The following ALMS1 variants were observed in gnomAD, a reference collection of about 807,000 sequenced individuals.
ALMS1 encodes ALMS1 centrosome and basal body associated protein, also known as centrosome-associated protein ALMS1.
In ALMS1, 271 loss-of-function variants were observed where a neutral mutation model predicts 352.2. The ratio of observed to expected loss-of-function variants is 0.77; its 90% CI spans 0.70 to 0.85. The LOEUF (loss-of-function observed/expected upper bound fraction) is 0.85, where lower values mean the gene tolerates loss of function less well. Among genes scored for constraint, ALMS1 ranks in the 40% least tolerant of loss-of-function variants. ALMS1 has a pLI of 0.00. For missense variants in ALMS1, 5,445 were observed against 4,870.7 expected, an observed-to-expected ratio of 1.12 and a Z score of -3.51; for synonymous variants, 1,865 against 1,761.2, an observed-to-expected ratio of 1.06 and a Z score of -1.48.
chr2:73,464,483 A>G (rs1057419738), intron 9 of ALMS1, among the ~76,000 whole-genome samples: 3 of 152,230 alleles, frequency 2.0e-5, no homozygotes. Context: ...ACCCACAGCC[A>G]ATATCATACC....
rs528909342 is a variant in ALMS1 at position 73,437,845 on chromosome 2, A to G, written c.1432+5554A>G. ...GGCTTCCTACACAGCCAGTTCTTCT[A>G]TCAACGAGACCAACTGTATTCTACC... On this transcript the variant is annotated intron_variant, in intron 7 of 22. Coordinates refer to ENST00000613296, the MANE Select transcript of ALMS1 (RefSeq NM_001378454.1). 4.5e-4 allele frequency among the ~76,000 whole-genome samples: 69 copies of G among 152,306 alleles called. 1 individual carries two copies. Among genetic ancestry groups the G allele is most frequent in the African/African-American group, 1.3e-3 (54 of 41,560 alleles).
intron 9 of ALMS1, chr2:73,456,843 A>T (rs1306514715): frequency 5.3e-5 from 8 of 152,320 alleles, no homozygotes; most frequent in African/African-American, 1.9e-4. Context: ...GTTTAAAATT[A>T]CATAGTTTTC....
chr2:73,545,188 T>A (rs1339045407), intron 12 of ALMS1, among the ~76,000 whole-genome samples: 1 of 151,764 alleles, frequency 6.6e-6, no homozygotes, highest in Non-Finnish European at 1.5e-5. Flanking sequence ...GTGGTTTTTT[T>A]TTTTTTTTTT....
Position 73,572,284 on chromosome 2 carries a change from T to C in ALMS1, c.10407T>C (p.Phe3469=). 6.2e-7 allele frequency: 1 copy of C among 1,608,058 alleles called. No homozygotes were observed. Residue 3469 remains phenylalanine, a synonymous_variant, in exon 16 of 23, where the codon TTT becomes TTC. Transcript: ENST00000613296. Reference sequence around the variant, plus strand: ...CAGAGTCCGAATGTCATTCAGAATTTGAAAATACTACCCGTTCTGTCTTCA... The same window carrying C: ...CAGAGTCCGAATGTCATTCAGAATTCGAAAATACTACCCGTTCTGTCTTCA... ...NIEESECHSE[F]ENTTRSVFRS...
chr2:73,595,911 T>C (rs531044398), intron 16 of ALMS1, among the ~76,000 whole-genome samples: 2 of 152,362 alleles, frequency 1.3e-5, no homozygotes, highest in East Asian at 3.9e-4. Flanking sequence ...TGTGTGCTTA[T>C]TGGCCACTCT....
Position 73,454,078 on chromosome 2 carries a change from A to G in ALMS1, c.7540+11A>G, listed in dbSNP as rs1553404509. Reference sequence around the variant, plus strand: ...GGGTACGAGCACATGGTAAGAAGAAAGTTTCAGGCTTATAAACGTTATAGT... The same window carrying G: ...GGGTACGAGCACATGGTAAGAAGAAGGTTTCAGGCTTATAAACGTTATAGT... On this transcript the variant is annotated intron_variant, in intron 8 of 22. Transcript: ENST00000613296. 1 of 1,601,416 alleles carries G rather than the reference A, an allele frequency of 6.2e-7. No individual in the cohort carries two copies. Among genetic ancestry groups the G allele is most frequent in the Non-Finnish European group, 8.5e-7 (1 of 1,173,628 alleles).
At chr2:73,396,921 G>A (rs1241921067) in intron 1 of ALMS1, among the ~76,000 whole-genome samples, 2 of 152,138 alleles carry the variant, frequency 1.3e-5, no homozygotes, top group Non-Finnish European at 2.9e-5. Flanking sequence ...TAGGATTACA[G>A]GCTTGAGCTA....
At chr2:73,585,849 C>T (rs1379094868) in intron 16 of ALMS1, among the ~76,000 whole-genome samples, 1 of 151,904 alleles carries the variant, frequency 6.6e-6, no homozygotes, top group African/African-American at 2.4e-5. Flanking sequence ...CTGCCTCAGC[C>T]TCTGGAGTAG....
rs28730864 is a variant in ALMS1, at chr2:73,601,469, G to A, written c.12114+33G>A. 3,364 of 1,609,968 alleles carry A rather than the reference G, an allele frequency of 2.1e-3. 60 individuals carry two copies. The African/African-American group carries it at 0.035, about 17-fold the overall frequency. ...GACGTTGACTTAACTTTAATGCTACGTGTAGGGAGAAGAAGGGCAAGGCGC... is the reference window on the plus strand; with the variant it reads ...GACGTTGACTTAACTTTAATGCTACATGTAGGGAGAAGAAGGGCAAGGCGC... On this transcript the variant is annotated intron_variant, in intron 19 of 22. Coordinates refer to ENST00000613296, the MANE Select transcript of ALMS1 (RefSeq NM_001378454.1).
At chr2:73,471,833 T>G (rs957329881) in intron 9 of ALMS1, among the ~76,000 whole-genome samples, 5 of 151,928 alleles carry the variant, frequency 3.3e-5, no homozygotes, top group African/African-American at 1.2e-4. Context: ...AAGAATAGAA[T>G]TACCATATGA....
rs542102738 is a variant in ALMS1 at position 73,404,160 on chromosome 2, A to C, written c.325-4462A>C. ...GTGATCCACCCGCCTTGGCCTCCCA[A>C]AGTGCTGGGATTACAGGTGTGAGCC... On this transcript the variant is annotated intron_variant, in intron 1 of 22. Transcript: ENST00000613296. Among the ~76,000 whole-genome samples, 11 of 152,286 alleles carry C rather than the reference A, an allele frequency of 7.2e-5. No homozygotes were observed. In the South Asian group the frequency reaches 1.7e-3, roughly 23 times the overall value.
chr2:73,453,280 T>G lies in ALMS1; in HGVS notation c.6753T>G (p.Asp2251Glu). The stretch of plus-strand genomic sequence containing the variant: ...ATGTTGGCTCTGAAGAAATCCAGGA[T>G]GCAGAAAATAGTGCTAAAACTCTTA... ...FRDVGSEEIQ[D>E]AENSAKTLKE... Residue 2251 changes from aspartate (D) to glutamate (E), a missense_variant, in exon 8 of 23, where the codon GAT (aspartate) becomes GAG (glutamate). Transcript: ENST00000613296. The G allele has an allele frequency of 6.2e-7, 1 of 1,613,982 alleles. No homozygotes were observed. The highest frequency in any genetic ancestry group is 8.5e-7 in the Non-Finnish European group (1 of 1,179,986).
At position 73,572,951 on chromosome 2, in the gene ALMS1, CT is replaced by C. The variant is rs1170410040; in HGVS notation, c.11076del (p.Ser3695AlafsTer27). On this transcript the variant is annotated frameshift_variant, in exon 16 of 23. Transcript: ENST00000613296. LOFTEE classifies it high-confidence loss of function. ...LEKSHKNTGE[L>X]KKSKVLSHHR... ...GAAAAGCCATAAAAATACAGGCGAG[CT>C]TAAAAAAAGCAAGGTGCTTTCTCAT... 1 of 1,613,946 alleles carries C rather than the reference CT, an allele frequency of 6.2e-7. No homozygotes were observed. Among genetic ancestry groups the C allele is most frequent in the Admixed American group, 1.7e-5 (1 of 59,980 alleles).
chr2:73,586,344 T>C (rs1260355551), intron 16 of ALMS1, among the ~76,000 whole-genome samples: 1 of 152,180 alleles, frequency 6.6e-6, no homozygotes, highest in Non-Finnish European at 1.5e-5. Context: ...CAAGAGTTTT[T>C]CCAGTGTTAT....
chr2:73,417,707 T>C (rs977704860), intron 2 of ALMS1, among the ~76,000 whole-genome samples: 3 of 152,174 alleles, frequency 2.0e-5, no homozygotes, highest in African/African-American at 7.2e-5. Context: ...TCAGGTTTAA[T>C]TGGGGAAAAT....
Position 73,451,985 on chromosome 2 carries a change from T to C in ALMS1, c.5458T>C (p.Leu1820=), listed in dbSNP as rs2103786610. 1 of 1,613,096 alleles carries C rather than the reference T, an allele frequency of 6.2e-7. No individual in the cohort carries two copies. The highest frequency in any genetic ancestry group is 1.1e-5 in the South Asian group (1 of 91,024). Residue 1820 remains leucine, a synonymous_variant, in exon 8 of 23, where the codon TTG becomes CTG. Transcript: ENST00000613296. The part of the protein sequence containing the change: ...EKPIVSYQRE[L]PHFTEAGLKI... The stretch of plus-strand genomic sequence containing the variant: ...GCCCATTGTTTCCTACCAGCGAGAG[T>C]TGCCGCATTTTACTGAAGCAGGTTT...
intron 9 of ALMS1, among the ~76,000 whole-genome samples, chr2:73,461,413 A>G (rs1434830026): frequency 1.3e-5 from 2 of 152,228 alleles, no homozygotes; most frequent in Non-Finnish European, 2.9e-5. Context: ...TTAGAAGGAA[A>G]ACTAACAAAC....
At chr2:73,533,807 ATACACGTGCT>A (rs1673971780) in intron 11 of ALMS1, among the ~76,000 whole-genome samples, 1 of 152,246 alleles carries the variant, frequency 6.6e-6, no homozygotes. Flanking sequence ...CTTAATGACT[ATACACGTGCT>A]GTTGGAGGAA....
intron 15 of ALMS1, among the ~76,000 whole-genome samples, chr2:73,570,873 G>A (rs1380601522): frequency 6.6e-6 from 1 of 152,126 alleles, no homozygotes; most frequent in Non-Finnish European, 1.5e-5. Context: ...TCTTCTTCCT[G>A]TTTGTTTGTT....
Sources: allele counts gnomAD v4.1 joint callset (sites outside exome capture counted in the v4.1 genomes callset), GRCh38; gene constraint gnomAD v4.1.1; transcripts MANE v1.5; gene names NCBI Gene and HGNC (gene_info 2026-07-23, HGNC 2026-07-21).